The following METTL25 variants were observed in gnomAD, a reference collection of about 807,000 sequenced individuals.
The protein encoded by METTL25 is probable methyltransferase-like protein 25.
A neutral mutation model predicts 71.6 loss-of-function variants in METTL25; 64 were observed. That is an observed-to-expected ratio of 0.89 (90% CI 0.73 to 1.10). The LOEUF is 1.10. Among genes scored for constraint, METTL25 ranks in the 50% least tolerant of loss-of-function variants. The probability of loss-of-function intolerance (pLI) is 0.00; values close to 1 mark genes in which losing one functional copy is unlikely to be tolerated. For synonymous variants in METTL25, 287 were observed against 250.3 expected (o/e 1.15, Z -1.38); for missense variants, 807 against 707.0 (o/e 1.14, Z -1.60).
intron 1 of METTL25, 105 bp downstream of exon 1, chr12:82,358,929 G>C: frequency 7.0e-7 from 1 of 1,421,672 alleles, no homozygotes; most frequent in Non-Finnish European, 9.6e-7. Context: ...GCGTGGCGGC[G>C]GAGGCGGGGC....
chr12:82,358,600 A>C lies in METTL25; in HGVS notation c.35A>C (p.Asp12Ala), dbSNP rs1346424149. The C allele has an allele frequency of 3.7e-6, 6 of 1,613,104 alleles. No individual in the cohort carries two copies. The Admixed American group carries it at 1.0e-4, about 27-fold the overall frequency. The stretch of plus-strand genomic sequence containing the variant: ...TCTTGCCCTCTCCCGGTGACCCCGG[A>C]CCTGCCCACGCTGCGTGCCAAGTTG... ...AASCPLPVTP[D>A]LPTLRAKLQG... Residue 12 changes from aspartate to alanine, a missense_variant, in exon 1 of 12, where the codon GAC becomes GCC. Physicochemically the swap from Asp to Ala is moderately radical, Grantham distance 126. Coordinates refer to ENST00000248306, the MANE Select transcript of METTL25 (RefSeq NM_032230.3).
intron 5 of METTL25, among the ~76,000 whole-genome samples, chr12:82,416,030 G>A (rs770002559): frequency 1.4e-4 from 21 of 152,034 alleles, no homozygotes; most frequent in Non-Finnish European, 2.9e-4. Flanking sequence ...CATACATAGA[G>A]TCTATATCTC....
intron 3 of METTL25, among the ~76,000 whole-genome samples, chr12:82,396,457 T>C (rs1886094000): frequency 6.6e-6 from 1 of 152,098 alleles, no homozygotes; most frequent in African/African-American, 2.4e-5. Flanking sequence ...ATAGGAATGT[T>C]TCCTTGAGTG....
Position 82,364,190 on chromosome 12 carries a change from A to G in METTL25, c.259+5366A>G, listed in dbSNP as rs146125204. On this transcript the variant is annotated intron_variant, in intron 1 of 11. Transcript: ENST00000248306. ...TTGGGATCTTAAGAGGTCACAGTCA[A>G]GAAGTTGGCTGGGGCTGTAGTTGCT... Among the ~76,000 whole-genome samples, 922 of 152,330 alleles carry G rather than the reference A, an allele frequency of 6.1e-3. 2 individuals carry two copies. Among genetic ancestry groups the G allele is most frequent in the Non-Finnish European group, 0.011 (753 of 68,020 alleles).
At chr12:82,451,798 C>G (rs569802452) in intron 8 of METTL25, among the ~76,000 whole-genome samples, 1 of 152,164 alleles carries the variant, frequency 6.6e-6, no homozygotes, top group East Asian at 1.9e-4. Context: ...TTTAATATCA[C>G]AAATATTGAT....
At chr12:82,363,731 TA>T (rs34795073) in intron 1 of METTL25, among the ~76,000 whole-genome samples, 27 of 143,862 alleles carry the variant, frequency 1.9e-4, no homozygotes, top group African/African-American at 2.3e-4. Context: ...ACTAGATGTT[TA>T]AAAAAAAAAA....
chr12:82,450,278 A>G (rs998862794), intron 8 of METTL25, among the ~76,000 whole-genome samples: 1 of 152,148 alleles, frequency 6.6e-6, no homozygotes, highest in African/African-American at 2.4e-5. Context: ...TCACCTGTTA[A>G]TGACAATCAT....
At chr12:82,443,012 A>G (rs1003486354) in intron 8 of METTL25, among the ~76,000 whole-genome samples, 4 of 148,772 alleles carry the variant, frequency 2.7e-5, no homozygotes, top group Admixed American at 1.3e-4. Flanking sequence ...TCAAAAAACA[A>G]AAAAAAAAGC....
At chr12:82,400,116 G>C (rs986506206) in intron 4 of METTL25, among the ~76,000 whole-genome samples, 8 of 152,036 alleles carry the variant, frequency 5.3e-5, no homozygotes, top group Non-Finnish European at 1.0e-4. Flanking sequence ...GAGGTCAGGA[G>C]ATTGAGACCA....
Position 82,479,177 on chromosome 12 carries a change from A to C in METTL25, c.*153A>C. On this transcript the variant is annotated 3_prime_UTR_variant, in exon 12 of 12. Coordinates refer to ENST00000248306, the MANE Select transcript of METTL25 (RefSeq NM_032230.3). ...TAATGGCTAACAACAGAAGGTTATA[A>C]TCCATTTTTCCATTGTCAAAGCATA... The C allele has an allele frequency of 7.3e-6, 4 of 547,822 alleles. No individual in the cohort carries two copies. Among genetic ancestry groups the C allele is most frequent in the Non-Finnish European group, 1.3e-5 (4 of 311,006 alleles). The allele number at this position is 547,822 out of a possible 1,614,324, so 33.9% of individuals were successfully genotyped here. A position where few individuals can be genotyped will look rare whatever the true frequency, so the allele number is the denominator to read the frequency against.
At chr12:82,462,039 C>A (rs929059029) in intron 9 of METTL25, among the ~76,000 whole-genome samples, 10 of 152,194 alleles carry the variant, frequency 6.6e-5, no homozygotes, top group African/African-American at 2.4e-4. Context: ...ATGCTAGTTC[C>A]TTTTTCTATA....
At chr12:82,367,067 A>C (rs545172499) in intron 1 of METTL25, among the ~76,000 whole-genome samples, 1 of 152,290 alleles carries the variant, frequency 6.6e-6, no homozygotes, top group Admixed American at 6.5e-5. Flanking sequence ...TTTAGAACTT[A>C]AATTTGTTTT....
At chr12:82,425,564 T>A (rs1476680261) in intron 5 of METTL25, among the ~76,000 whole-genome samples, 2 of 152,084 alleles carry the variant, frequency 1.3e-5, no homozygotes, top group Non-Finnish European at 2.9e-5. Context: ...ACCCATTGTG[T>A]TTGTTCTCAG....
chr12:82,392,385 T>C (rs567525257), intron 3 of METTL25, among the ~76,000 whole-genome samples: 3 of 152,106 alleles, frequency 2.0e-5, no homozygotes, highest in South Asian at 2.1e-4. Context: ...GATAGTTTAC[T>C]GAGAATGATG....
chr12:82,459,288 T>G (rs548889595), intron 9 of METTL25, among the ~76,000 whole-genome samples: 1 of 152,142 alleles, frequency 6.6e-6, no homozygotes, highest in African/African-American at 2.4e-5. Flanking sequence ...GGAAAGAGAT[T>G]GAAATTTTTA....
intron 9 of METTL25, among the ~76,000 whole-genome samples, chr12:82,457,029 T>C (rs949276434): frequency 2.6e-5 from 4 of 151,992 alleles, no homozygotes; most frequent in Non-Finnish European, 4.4e-5. Flanking sequence ...CTCCAGAGTT[T>C]CCCTCTTTTA....
At chr12:82,365,867 G>A (rs1882506930) in intron 1 of METTL25, among the ~76,000 whole-genome samples, 1 of 152,024 alleles carries the variant, frequency 6.6e-6, no homozygotes, top group African/African-American at 2.4e-5. Flanking sequence ...GGGATCACGA[G>A]GTCAGGAGAT....
At chr12:82,477,589 TTACTA>T (rs1163454210) in intron 11 of METTL25, among the ~76,000 whole-genome samples, 1 of 151,806 alleles carries the variant, frequency 6.6e-6, no homozygotes, top group Admixed American at 6.6e-5. Flanking sequence ...TGTATGGTAA[TTACTA>T]TACATAGGCA....
chr12:82,400,830 C>T (rs368073375), intron 4 of METTL25, among the ~76,000 whole-genome samples: 1 of 152,048 alleles, frequency 6.6e-6, no homozygotes, highest in South Asian at 2.1e-4. Flanking sequence ...ATGGTGACTA[C>T]ATATTTTTGT....
Sources: gnomAD v4.1 joint callset for allele counts (sites outside exome capture counted in the v4.1 genomes callset) on GRCh38, gnomAD v4.1.1 for gene constraint, MANE v1.5 for transcripts, NCBI Gene and HGNC (gene_info 2026-07-23, HGNC 2026-07-21) for gene names.